The following DENND4B variants were observed in gnomAD, a reference collection of about 807,000 sequenced individuals.
DENND4B encodes the protein DENN domain containing 4B.
A neutral mutation model predicts 161.0 loss-of-function variants in DENND4B; 67 were observed. The observed-to-expected ratio is 0.42, with a 90% CI of 0.34 to 0.51. The LOEUF (loss-of-function observed/expected upper bound fraction) is 0.51. Among genes scored for constraint, DENND4B ranks in the 20% least tolerant of loss-of-function variants. The pLI, the probability that DENND4B is intolerant of heterozygous loss-of-function variation, is 0.08. For synonymous variants in DENND4B, 753 were observed against 813.8 expected, an observed-to-expected ratio of 0.93 and a Z score of 1.27; for missense variants, 1,481 against 1,968.0, an observed-to-expected ratio of 0.75 and a Z score of 4.68.
At chr1:153,931,160 T>C (rs989378695) in intron 24 of DENND4B, 96 bp from the exon 25 acceptor site, 2 of 932,514 alleles carry the variant, frequency 2.1e-6, no homozygotes, top group African/African-American at 3.4e-5. Context: ...AGAGGGCCAT[T>C]ACAGGACACA....
At position 153,939,598 on chromosome 1, in the gene DENND4B, A is replaced by C. The variant is rs1216657284; in HGVS notation, c.1810T>G (p.Phe604Val). ...EGARDVDNLF[F>V]LQGFLKSRER... Reference sequence around the variant, plus strand: ...GACAGGCCCTCTATACCCTGCAGGAAGAAAAGGTTGTCAACATCACGAGCT... The same window carrying C: ...GACAGGCCCTCTATACCCTGCAGGACGAAAAGGTTGTCAACATCACGAGCT... The change falls in exon 12 of 28, where the codon TTC becomes GTC. Residue 604 changes from phenylalanine (F) to valine (V), a missense_variant. Phe to Val is a conservative substitution (Grantham distance 50). Transcript: ENST00000361217. 5.5e-5 allele frequency: 88 copies of C among 1,608,332 alleles called. No homozygotes were observed. Among genetic ancestry groups the C allele is most frequent in the Non-Finnish European group, 7.5e-5 (88 of 1,175,646 alleles).
chr1:153,941,904 G>A lies in DENND4B; in HGVS notation c.1020C>T (p.Tyr340=). 6.2e-7 allele frequency: 1 copy of A among 1,612,296 alleles called. No homozygotes were observed. The highest frequency in any genetic ancestry group is 8.5e-7 in the Non-Finnish European group (1 of 1,179,874). ...GTAGGCGGTGGGGGCCTGAGACGGA[G>A]TAGCGGTAAAGGAAGGTGAGGAAGG... is the stretch of plus-strand genomic sequence containing the variant. ...FRAFLTFLYR[Y]SVSGPHRLPL... Residue 340 remains tyrosine (Y), a synonymous_variant, in exon 6 of 28, where the codon TAC becomes TAT. Transcript: ENST00000361217.
intron 6 of DENND4B, 97 bp downstream of exon 6, chr1:153,941,772 C>CCGGGGGGGGGGGGGG: frequency 6.8e-7 from 1 of 1,464,446 alleles, no homozygotes; most frequent in Non-Finnish European, 9.3e-7. Flanking sequence ...TACCCTGTGC[C>CCGGGGGGGGGGGGGG]CAGCCCTCCC....
chr1:153,933,212 C>G lies in DENND4B; in HGVS notation c.3438G>C (p.Gln1146His), dbSNP rs916272298. The change falls in exon 21 of 28, where the codon CAG becomes CAC. Residue 1146 changes from glutamine (Q) to histidine (H), a missense_variant. Around this residue, in one of 3 missense-constraint regions of DENND4B, gnomAD observed 336 missense variants for 503.3 expected, o/e 0.67. Coordinates refer to ENST00000361217, the MANE Select transcript of DENND4B (RefSeq NM_014856.3). This position sits in a 1 kb window ranked among gnomAD's most constrained non-coding sequence, Gnocchi z 5.7. ...ERLSDTPGSFQSPSLEILLSS... is the reference protein window; with the variant it reads ...ERLSDTPGSFHSPSLEILLSS... Reference sequence around the variant, plus strand: ...TTATCCTCACTTCCAGGGAAGGTGACTGGAAGGATCCAGGGGTGTCACTGA... The same window carrying G: ...TTATCCTCACTTCCAGGGAAGGTGAGTGGAAGGATCCAGGGGTGTCACTGA... 26 of 1,612,960 alleles carry G rather than the reference C, an allele frequency of 1.6e-5. No homozygotes were observed. Among genetic ancestry groups the G allele is most frequent in the Middle Eastern group, 1.6e-4 (1 of 6,082 alleles).
intron 2 of DENND4B, among the ~76,000 whole-genome samples, chr1:153,943,849 G>A (rs938123813): frequency 9.9e-5 from 15 of 152,082 alleles, no homozygotes; most frequent in African/African-American, 3.4e-4. Flanking sequence ...ACCTGCCTAA[G>A]CTCTCAGAGC....
At position 153,936,808 on chromosome 1, in the gene DENND4B, A is replaced by G; in HGVS notation, c.2233-60T>C. 6.1e-6 allele frequency: 8 copies of G among 1,315,588 alleles called. No individual in the cohort carries two copies. The highest frequency in any genetic ancestry group is 3.2e-5 in the Admixed American group (1 of 31,410). 81.5% of individuals were successfully genotyped at this position (1,315,588 alleles called of 1,614,324 possible). Reference sequence around the variant, plus strand: ...AATGCCAGGTCTTTCTTACTTATCTATTTATTTATTTATTTATGACGGTCT... The same window carrying G: ...AATGCCAGGTCTTTCTTACTTATCTGTTTATTTATTTATTTATGACGGTCT... On this transcript the variant is annotated intron_variant, in intron 15 of 27. Transcript: ENST00000361217. The surrounding 1 kb of genome is among the most constrained non-coding windows in gnomAD (Gnocchi z 4.1).
At position 153,944,399 on chromosome 1, in the gene DENND4B, T is replaced by C; in HGVS notation, c.-23-2A>G. 4 of 1,586,998 alleles carry C rather than the reference T, an allele frequency of 2.5e-6. No individual in the cohort carries two copies. Among genetic ancestry groups the C allele is most frequent in the Non-Finnish European group, 3.4e-6 (4 of 1,167,458 alleles). On this transcript the variant is annotated splice_acceptor_variant, in intron 1 of 27. Coordinates refer to ENST00000361217, the MANE Select transcript of DENND4B (RefSeq NM_014856.3). LOFTEE classifies it low-confidence loss of function (5UTR_SPLICE). The surrounding 1 kb of genome is among the most constrained non-coding windows in gnomAD (Gnocchi z 4.8). ...TGGCCCCCCCCTCACTCACTGCATC[T>C]GGAATGGTCAAGTGGGAGAGAGATG...
chr1:153,932,837 C>G lies in DENND4B; in HGVS notation c.3623+24G>C. ...ACCTTCACCTCCCTATTCCCACCCA[C>G]AGCACTTGCCCTGCCTTGGGCACCT... On this transcript the variant is annotated intron_variant, in intron 22 of 27. Coordinates refer to ENST00000361217, the MANE Select transcript of DENND4B (RefSeq NM_014856.3). This position sits in a 1 kb window ranked among gnomAD's most constrained non-coding sequence, Gnocchi z 5.8. The G allele has an allele frequency of 6.2e-7, 1 of 1,613,710 alleles. No individual in the cohort carries two copies. Among genetic ancestry groups the G allele is most frequent in the Non-Finnish European group, 8.5e-7 (1 of 1,179,670 alleles).
At position 153,936,012 on chromosome 1, in the gene DENND4B, C is replaced by G. The variant is rs1384513112; in HGVS notation, c.2568+48G>C. 6.2e-7 allele frequency: 1 copy of G among 1,605,846 alleles called. No homozygotes were observed. The highest frequency in any genetic ancestry group is 2.2e-5 in the East Asian group (1 of 44,470). ...GGGGAGCAGCAGCAGCCTCCCCTCA[C>G]ACACCCTGGCACAGCTGCCATCCCA... On this transcript the variant is annotated intron_variant, in intron 17 of 27. Coordinates refer to ENST00000361217, the MANE Select transcript of DENND4B (RefSeq NM_014856.3). The surrounding 1 kb of genome is among the most constrained non-coding windows in gnomAD (Gnocchi z 4.1).
rs1679724385 is a variant in DENND4B at position 153,942,383 on chromosome 1, C to T, written c.641-27G>A. The T allele has an allele frequency of 6.2e-7, 1 of 1,603,784 alleles. No individual in the cohort carries two copies. The highest frequency in any genetic ancestry group is 8.5e-7 in the Non-Finnish European group (1 of 1,174,946). On this transcript the variant is annotated intron_variant, in intron 4 of 27. Coordinates refer to ENST00000361217, the MANE Select transcript of DENND4B (RefSeq NM_014856.3). The surrounding 1 kb of genome is among the most constrained non-coding windows in gnomAD (Gnocchi z 6.9). ...TGCACCCCCAGCATAGTTGGGGGTA[C>T]CCAAAAGGAGCAGGGTCCATCAGAC... is the stretch of plus-strand genomic sequence containing the variant.
At position 153,930,484 on chromosome 1, in the gene DENND4B, T is replaced by TC; in HGVS notation, c.4346-43dup. The TC allele has an allele frequency of 6.2e-7, 1 of 1,613,954 alleles. No individual in the cohort carries two copies. The highest frequency in any genetic ancestry group is 8.5e-7 in the Non-Finnish European group (1 of 1,179,882). ...AAGTCAACATGTTAGGACCGCAGCC[T>TC]CCCACACCTGGCCCCAGATCCCTAA... On this transcript the variant is annotated intron_variant, in intron 27 of 27. Coordinates refer to ENST00000361217, the MANE Select transcript of DENND4B (RefSeq NM_014856.3). The surrounding 1 kb of genome is among the most constrained non-coding windows in gnomAD (Gnocchi z 4.7).
rs764167398 is a variant in DENND4B at position 153,936,648 on chromosome 1, C to T, written c.2333G>A (p.Cys778Tyr). The change falls in exon 16 of 28, where the codon TGT becomes TAT. Residue 778 changes from cysteine (C) to tyrosine (Y), a missense_variant. By Grantham distance (194) the Cys-to-Tyr change is radical (BLOSUM62 -2). Transcript: ENST00000361217. This position sits in a 1 kb window ranked among gnomAD's most constrained non-coding sequence, Gnocchi z 4.1. ...LGHCYGLWFL[C>Y]LPAYVRSAPS... ...TGCCGACCGCACATAGGCAGGCAGA[C>T]ACAGGAACCACAGCCCATAGCAGTG... 3 of 1,613,622 alleles carry T rather than the reference C, an allele frequency of 1.9e-6. No individual in the cohort carries two copies. The highest frequency in any genetic ancestry group is 2.2e-5 in the East Asian group (1 of 44,878).
At chr1:153,931,198 T>A in intron 24 of DENND4B, 134 bp from the exon 25 acceptor site, 1 of 712,766 alleles carries the variant, frequency 1.4e-6, no homozygotes, top group Non-Finnish European at 2.4e-6. Flanking sequence ...AAGGAATTCT[T>A]ATCCCCCACA....
In DENND4B at chr1:153,930,474, G is replaced by A; in HGVS notation, c.4346-32C>T. The A allele has an allele frequency of 6.2e-7, 1 of 1,613,950 alleles. No homozygotes were observed. Among genetic ancestry groups the A allele is most frequent in the Non-Finnish European group, 8.5e-7 (1 of 1,179,862 alleles). On this transcript the variant is annotated intron_variant, in intron 27 of 27. Transcript: ENST00000361217. This position sits in a 1 kb window ranked among gnomAD's most constrained non-coding sequence, Gnocchi z 4.7. ...AAGAAGGTGGAAGTCAACATGTTAG[G>A]ACCGCAGCCTCCCACACCTGGCCCC...
At chr1:153,939,067 C>T (rs932300836) in intron 12 of DENND4B, 22 bp from the exon 13 acceptor site, 1 of 1,609,474 alleles carries the variant, frequency 6.2e-7, no homozygotes, top group Non-Finnish European at 8.5e-7. Context: ...GAGAATGGGG[C>T]AGAGGAGGGG....
rs11330733 is a variant in DENND4B at position 153,943,678 on chromosome 1, T to TAAAA, written c.317+376_317+379dup. ...GAGTGACAGAGAGAGACTCTGTCTA[T>TAAAA]AAAAAAAAAAAAAAAAAAAAAAATA... is the stretch of plus-strand genomic sequence containing the variant. On this transcript the variant is annotated intron_variant, in intron 2 of 27. Transcript: ENST00000361217. 2.0e-3 allele frequency among the ~76,000 whole-genome samples: 183 copies of TAAAA among 92,376 alleles called. 2 individuals are homozygous for TAAAA. The highest frequency in any genetic ancestry group is 6.0e-3 in the African/African-American group (148 of 24,872). The allele number at this position is 92,376 out of a possible 152,430, so 60.6% of individuals were successfully genotyped here. A position where few individuals can be genotyped will look rare whatever the true frequency, so the allele number is the denominator to read the frequency against.
chr1:153,941,338 T>C (rs779212614), intron 7 of DENND4B, 36 bp downstream of exon 7: 1 of 1,613,464 alleles, frequency 6.2e-7, no homozygotes, highest in Non-Finnish European at 8.5e-7. Flanking sequence ...CCAACTCCCC[T>C]CCTTCCATCA....
At position 153,930,686 on chromosome 1, in the gene DENND4B, C is replaced by T. The variant is rs1281653973; in HGVS notation, c.4280+6G>A. 3 of 1,612,782 alleles carry T rather than the reference C, an allele frequency of 1.9e-6. No homozygotes were observed. Among genetic ancestry groups the T allele is most frequent in the African/African-American group, 1.3e-5 (1 of 74,930 alleles). On this transcript the variant is annotated splice_donor_region_variant and intron_variant, in intron 26 of 27. Transcript: ENST00000361217. The surrounding 1 kb of genome is among the most constrained non-coding windows in gnomAD (Gnocchi z 4.7). ...ACCAGGGATCACCCAGATGGTAGCA[C>T]CATACCTCTGCAGGTGCAGGCCAGT...
At position 153,940,170 on chromosome 1, in the gene DENND4B, T is replaced by C. The variant is rs766845206; in HGVS notation, c.1589A>G (p.Gln530Arg). 2 of 1,580,380 alleles carry C rather than the reference T, an allele frequency of 1.3e-6. No individual in the cohort carries two copies. Among genetic ancestry groups the C allele is most frequent in the East Asian group, 2.2e-5 (1 of 44,656 alleles). The part of the protein sequence containing the change: ...VLLATLTNLY[Q>R]QLDQTYTGPE... ...AGGCTTCTCACTCTGGTCCAGCTGC[T>C]GGTACAGGTTTGTCAGTGTGGCCAG... The change falls in exon 11 of 28, where the codon CAG becomes CGG. Residue 530 changes from glutamine to arginine, a missense_variant. Coordinates refer to ENST00000361217, the MANE Select transcript of DENND4B (RefSeq NM_014856.3). This position sits in a 1 kb window ranked among gnomAD's most constrained non-coding sequence, Gnocchi z 5.6.
Sources: allele counts gnomAD v4.1 joint callset (sites outside exome capture counted in the v4.1 genomes callset), GRCh38; gene constraint gnomAD v4.1.1; regional missense constraint gnomAD v4.1.1; non-coding constraint Gnocchi (gnomAD v3.1); transcripts MANE v1.5; gene names NCBI Gene and HGNC (gene_info 2026-07-23, HGNC 2026-07-21).